FSTL5: variants seen among roughly 807,000 people sequenced by gnomAD.
FSTL5 encodes the protein follistatin like 5, also known as follistatin-related protein 5.
In FSTL5, 62 loss-of-function variants were observed where a neutral mutation model predicts 89.1. The observed-to-expected ratio is 0.70, with a 90% CI of 0.57 to 0.86. FSTL5 has a LOEUF of 0.86. Ranked by LOEUF, FSTL5 falls within the 40% of genes least tolerant of loss-of-function variation. FSTL5 has a pLI of 0.00. For missense variants in FSTL5, 1,057 were observed against 1,001.6 expected, an observed-to-expected ratio of 1.06 and a Z score of -0.75; for synonymous variants, 383 against 346.2, an observed-to-expected ratio of 1.11 and a Z score of -1.18.
intron 3 of FSTL5, among the ~76,000 whole-genome samples, chr4:161,972,450 C>T (rs144430578): frequency 5.1e-4 from 78 of 152,298 alleles, no homozygotes; most frequent in African/African-American, 1.8e-3. Context: ...TTCTAGCAGA[C>T]TTTGTCTTGC....
chr4:161,487,305 AT>A (rs1251124813), intron 12 of FSTL5, among the ~76,000 whole-genome samples: 1 of 152,184 alleles, frequency 6.6e-6, no homozygotes, highest in Non-Finnish European at 1.5e-5. Flanking sequence ...GTTAAACACT[AT>A]GCAATGTCAT....
intron 15 of FSTL5, among the ~76,000 whole-genome samples, chr4:161,395,861 C>T (rs926942491): frequency 1.3e-5 from 2 of 152,078 alleles, no homozygotes; most frequent in Admixed American, 6.5e-5. Flanking sequence ...TATAAAGCTA[C>T]CTCAAGAGAG....
chr4:161,590,602 T>A (rs1733780403), intron 7 of FSTL5, among the ~76,000 whole-genome samples: 1 of 152,128 alleles, frequency 6.6e-6, no homozygotes, highest in South Asian at 2.1e-4. Flanking sequence ...CAAATGAACA[T>A]TTCTCAAAGG....
At chr4:161,448,320 A>G (rs1431396332) in intron 15 of FSTL5, among the ~76,000 whole-genome samples, 1 of 152,076 alleles carries the variant, frequency 6.6e-6, no homozygotes, top group African/African-American at 2.4e-5. Context: ...AACAGCAGGT[A>G]TTTTCAATTT....
intron 4 of FSTL5, among the ~76,000 whole-genome samples, chr4:161,899,605 G>A (rs1733285339): frequency 6.6e-6 from 1 of 152,082 alleles, no homozygotes; most frequent in South Asian, 2.1e-4. Flanking sequence ...TATCTACTAT[G>A]TGTCAGATAT....
chr4:161,957,560 T>C lies in FSTL5; in HGVS notation c.161-36908A>G, dbSNP rs149959533. Among the ~76,000 whole-genome samples the C allele has an allele frequency of 1.7e-3, 254 of 152,082 alleles. 1 individual carries two copies. Among genetic ancestry groups the C allele is most frequent in the African/African-American group, 5.6e-3 (232 of 41,516 alleles). ...CCTGCTACTCTTGCTTCTTAATAAA[T>C]GGAAATATGCCCACAACAGCTTGCT... On this transcript the variant is annotated intron_variant, in intron 3 of 15. Coordinates refer to ENST00000306100, the MANE Select transcript of FSTL5 (RefSeq NM_020116.5).
intron 1 of FSTL5, among the ~76,000 whole-genome samples, chr4:162,133,201 GCAAT>G (rs1204128744): frequency 1.1e-4 from 16 of 152,170 alleles, no homozygotes; most frequent in South Asian, 2.1e-4. Flanking sequence ...AGTGTTGAAC[GCAAT>G]CAATTATTTT....
intron 15 of FSTL5, among the ~76,000 whole-genome samples, chr4:161,410,118 A>G (rs1170867410): frequency 6.6e-6 from 1 of 151,066 alleles, no homozygotes; most frequent in African/African-American, 2.4e-5. Context: ...TTAAACCAAT[A>G]AAATTAAGAA....
chr4:161,893,070 T>C (rs889876162), intron 4 of FSTL5, among the ~76,000 whole-genome samples: 1 of 152,148 alleles, frequency 6.6e-6, no homozygotes, highest in African/African-American at 2.4e-5. Context: ...TGGATGCATT[T>C]CCTGTGCAGC....
chr4:161,887,492 T>C (rs1418690769), intron 4 of FSTL5, among the ~76,000 whole-genome samples: 1 of 152,086 alleles, frequency 6.6e-6, no homozygotes, highest in East Asian at 1.9e-4. Flanking sequence ...ACTTCTATCA[T>C]CTCTCATATT....
chr4:162,076,187 G>C (rs768594015), intron 2 of FSTL5, among the ~76,000 whole-genome samples: 5 of 151,858 alleles, frequency 3.3e-5, no homozygotes, highest in Non-Finnish European at 7.4e-5. Flanking sequence ...GGCCACAACT[G>C]AACTACCAGT....
chr4:161,832,828 C>A (rs929843277), intron 4 of FSTL5, among the ~76,000 whole-genome samples: 1 of 150,626 alleles, frequency 6.6e-6, no homozygotes, highest in Admixed American at 6.6e-5. Context: ...TTTCAAAAAA[C>A]CAGCTCCTGG....
intron 3 of FSTL5, among the ~76,000 whole-genome samples, chr4:161,938,541 A>G (rs1330987581): frequency 6.6e-6 from 1 of 152,084 alleles, no homozygotes; most frequent in Non-Finnish European, 1.5e-5. Context: ...AAAATATGTC[A>G]TAAGAAACAC....
At chr4:161,648,866 A>T (rs1736239796) in intron 7 of FSTL5, among the ~76,000 whole-genome samples, 1 of 152,190 alleles carries the variant, frequency 6.6e-6, no homozygotes, top group African/African-American at 2.4e-5. Context: ...CATCTTTTTC[A>T]GATACTAATT....
chr4:161,920,832 G>A lies in FSTL5; in HGVS notation c.161-180C>T, dbSNP rs550814749. Among the ~76,000 whole-genome samples the A allele has an allele frequency of 3.9e-5, 6 of 152,202 alleles. No individual in the cohort carries two copies. The East Asian group carries it at 1.2e-3, about 29-fold the overall frequency. On this transcript the variant is annotated intron_variant, in intron 3 of 15. Coordinates refer to ENST00000306100, the MANE Select transcript of FSTL5 (RefSeq NM_020116.5). ...AACTGCACATGAACTTTCTCAAAAT[G>A]CTTTCAGTATTCTTCCCTTCTTCCT...
chr4:161,533,008 TA>T (rs77562407), intron 10 of FSTL5, among the ~76,000 whole-genome samples: 36,549 of 151,100 alleles, frequency 0.24, 4,806 homozygotes, highest in East Asian at 0.54. Flanking sequence ...AACGCAGAAA[TA>T]AAAAAAAATC....
At chr4:161,750,332 T>C (rs1286553462) in intron 6 of FSTL5, among the ~76,000 whole-genome samples, 3 of 152,138 alleles carry the variant, frequency 2.0e-5, no homozygotes, top group Non-Finnish European at 2.9e-5. Context: ...GCTTATCCAA[T>C]TGAGATATGC....
At chr4:161,538,499 GC>G (rs1462907264) in intron 9 of FSTL5, among the ~76,000 whole-genome samples, 199 bp from the exon 10 acceptor site, 1 of 151,938 alleles carries the variant, frequency 6.6e-6, no homozygotes, top group African/African-American at 2.4e-5. Flanking sequence ...CTATAAGAGA[GC>G]CCAATACTCT....
At chr4:161,956,545 A>G (rs1233253989) in intron 3 of FSTL5, among the ~76,000 whole-genome samples, 1 of 151,910 alleles carries the variant, frequency 6.6e-6, no homozygotes, top group African/African-American at 2.4e-5. Flanking sequence ...AAAGACACAA[A>G]AGATTAGTAT....
Sources: gnomAD v4.1 joint callset for allele counts (sites outside exome capture counted in the v4.1 genomes callset) on GRCh38, gnomAD v4.1.1 for gene constraint, MANE v1.5 for transcripts, NCBI Gene and HGNC (gene_info 2026-07-23, HGNC 2026-07-21) for gene names.